Variants in CTNNA2 observed in about 807,000 individuals in gnomAD.
CTNNA2 encodes the protein catenin alpha-2.
CTNNA2 carries 42 observed loss-of-function variants against 101.0 expected under a neutral mutation model. The observed-to-expected ratio is 0.42, with a 90% CI of 0.32 to 0.54. CTNNA2 has a LOEUF of 0.54. Ranked by LOEUF, CTNNA2 falls within the 20% of genes least tolerant of loss-of-function variation. CTNNA2 has a pLI of 0.14. For missense variants in CTNNA2, 871 were observed against 1,223.1 expected (o/e 0.71, Z 4.29); for synonymous variants, 450 against 456.4 (o/e 0.99, Z 0.18).
chr2:79,650,730 C>CA (rs1348034232), intron 1 of CTNNA2, among the ~76,000 whole-genome samples: 2 of 151,336 alleles, frequency 1.3e-5, no homozygotes, highest in Non-Finnish European at 2.9e-5. Context: ...TGGTGTGCTG[C>CA]ACCCACTAAC....
chr2:79,768,401 A>T (rs1259761055), intron 3 of CTNNA2, among the ~76,000 whole-genome samples: 1 of 151,106 alleles, frequency 6.6e-6, no homozygotes, highest in Non-Finnish European at 1.5e-5. Context: ...AGGTACTATG[A>T]GGTGTCAGGT....
At chr2:80,065,727 T>C (rs951413218) in intron 7 of CTNNA2, among the ~76,000 whole-genome samples, 3 of 152,196 alleles carry the variant, frequency 2.0e-5, no homozygotes, top group African/African-American at 7.2e-5. Flanking sequence ...AGTGTTGTTG[T>C]AGATTTAAAT....
intron 7 of CTNNA2, among the ~76,000 whole-genome samples, chr2:80,023,333 C>G (rs987357577): frequency 2.0e-5 from 3 of 152,152 alleles, no homozygotes; most frequent in Admixed American, 2.0e-4. Context: ...ATTTATTGAG[C>G]ACCTAAAATG....
At chr2:79,763,591 T>G (rs920420544) in intron 3 of CTNNA2, among the ~76,000 whole-genome samples, 15 of 152,244 alleles carry the variant, frequency 9.9e-5, no homozygotes, top group East Asian at 5.8e-4. Context: ...TTATAGTTTT[T>G]CAACATCTCT....
chr2:79,483,768 C>G (rs1172299116), intron 4 of CTNNA2, among the ~76,000 whole-genome samples: 3 of 152,084 alleles, frequency 2.0e-5, no homozygotes, highest in Non-Finnish European at 4.4e-5. Flanking sequence ...AGTAGTATTC[C>G]GTGGTGTATA....
intron 15 of CTNNA2, among the ~76,000 whole-genome samples, chr2:80,596,863 A>C (rs1434380762): frequency 6.6e-6 from 1 of 152,100 alleles, no homozygotes; most frequent in Non-Finnish European, 1.5e-5. Context: ...AATAGCTCTC[A>C]CTATTCTGAG....
At chr2:80,208,873 T>C (rs1202652793) in intron 7 of CTNNA2, among the ~76,000 whole-genome samples, 3 of 152,206 alleles carry the variant, frequency 2.0e-5, no homozygotes, top group Non-Finnish European at 4.4e-5. Context: ...AATTGAAATA[T>C]ACCTAGGAGC....
intron 3 of CTNNA2, among the ~76,000 whole-genome samples, chr2:79,820,523 G>C (rs1388293765): frequency 6.6e-6 from 1 of 152,164 alleles, no homozygotes; most frequent in African/African-American, 2.4e-5. Context: ...TGAAGAAATG[G>C]GGAATCTTCC....
chr2:79,315,806 A>G (rs1676483568), intron 3 of CTNNA2, among the ~76,000 whole-genome samples: 2 of 152,240 alleles, frequency 1.3e-5, no homozygotes, highest in Admixed American at 6.5e-5. Flanking sequence ...TGATAACTCC[A>G]TGTTTAACCT....
chr2:79,539,651 G>T (rs1382242071), intron 1 of CTNNA2, among the ~76,000 whole-genome samples: 1 of 152,218 alleles, frequency 6.6e-6, no homozygotes, highest in Non-Finnish European at 1.5e-5. Context: ...CCAGCTGGGA[G>T]TGTGTTTGCC....
intron 7 of CTNNA2, among the ~76,000 whole-genome samples, chr2:80,027,621 A>G (rs895953071): frequency 6.6e-6 from 1 of 152,090 alleles, no homozygotes; most frequent in Non-Finnish European, 1.5e-5. Context: ...GTAGGAGCAG[A>G]CTGGATTCTT....
chr2:79,820,546 C>A (rs548124862), intron 3 of CTNNA2, among the ~76,000 whole-genome samples: 5 of 152,214 alleles, frequency 3.3e-5, no homozygotes, highest in Admixed American at 6.5e-5. Context: ...TCCTAGCTTC[C>A]CTGGAGTCAA....
intron 7 of CTNNA2, among the ~76,000 whole-genome samples, chr2:80,350,178 T>C (rs1673152132): frequency 6.6e-6 from 1 of 152,050 alleles, no homozygotes; most frequent in South Asian, 2.1e-4. Context: ...AGTGGATAAA[T>C]TTTCAGTATG....
At chr2:79,770,798 A>G (rs1188978175) in intron 3 of CTNNA2, among the ~76,000 whole-genome samples, 1 of 152,232 alleles carries the variant, frequency 6.6e-6, no homozygotes, top group East Asian at 1.9e-4. Context: ...AACTTAAGTA[A>G]CAAGTTCAAG....
chr2:80,114,345 A>G (rs1701392456), intron 7 of CTNNA2, among the ~76,000 whole-genome samples: 2 of 152,326 alleles, frequency 1.3e-5, no homozygotes, highest in South Asian at 2.1e-4. Flanking sequence ...GGGACATAGG[A>G]TTTTGTAAAG....
At chr2:79,948,123 C>T (rs1202696814) in intron 7 of CTNNA2, among the ~76,000 whole-genome samples, 1 of 152,172 alleles carries the variant, frequency 6.6e-6, no homozygotes, top group East Asian at 1.9e-4. Flanking sequence ...AGGAAGAGGA[C>T]TTATAGTTAT....
intron 7 of CTNNA2, among the ~76,000 whole-genome samples, chr2:80,197,999 C>T (rs961901955): frequency 6.6e-6 from 1 of 152,160 alleles, no homozygotes; most frequent in East Asian, 1.9e-4. Context: ...ACATTTATGA[C>T]TGTGGCAATA....
At chr2:79,824,812 G>GTA (rs1678289478) in intron 3 of CTNNA2, among the ~76,000 whole-genome samples, 1 of 151,956 alleles carries the variant, frequency 6.6e-6, no homozygotes, top group South Asian at 2.1e-4. Context: ...CCTTTTTTTG[G>GTA]TATGGTTTTA....
chr2:80,544,928 G>A, intron 9 of CTNNA2, 54 bp from the exon 10 acceptor site: 6 of 1,484,014 alleles, frequency 4.0e-6, no homozygotes, highest in Non-Finnish European at 5.6e-6. Flanking sequence ...CGGAGCAACA[G>A]TATACTTTCC....
Sources: gnomAD v4.1 joint callset for allele counts (sites outside exome capture counted in the v4.1 genomes callset) on GRCh38, gnomAD v4.1.1 for gene constraint, MANE v1.5 for transcripts, NCBI Gene and HGNC (gene_info 2026-07-23, HGNC 2026-07-21) for gene names.